The following CPM variants were observed in gnomAD, a reference collection of about 807,000 sequenced individuals.
CPM encodes the protein carboxypeptidase M, also known as renal carboxypeptidase.
A neutral mutation model predicts 46.4 loss-of-function variants in CPM; 35 were observed. The observed-to-expected ratio is 0.75, with a 90% CI of 0.58 to 1.00. The LOEUF (loss-of-function observed/expected upper bound fraction) is 1.00. CPM is among the 50% of genes least tolerant of loss of function. The pLI is 0.00. For synonymous variants in CPM, 195 were observed against 195.3 expected (o/e 1.00, Z 0.01); for missense variants, 422 against 530.4 (o/e 0.80, Z 2.01).
chr12:68,955,696 G>T (rs771696620), intron 1 of CPM, among the ~76,000 whole-genome samples: 1 of 152,044 alleles, frequency 6.6e-6, no homozygotes. Flanking sequence ...GCTCCTATCC[G>T]CAGACAGGTT....
intron 2 of CPM, among the ~76,000 whole-genome samples, chr12:68,909,501 A>C (rs2136289465): frequency 6.6e-6 from 1 of 152,286 alleles, no homozygotes; most frequent in African/African-American, 2.4e-5. Flanking sequence ...GTCAGTATCC[A>C]TCAAGCACAA....
intron 5 of CPM, chr12:68,843,816 ATC>A (rs1267536985): frequency 4.5e-6 from 1 of 220,252 alleles, no homozygotes; most frequent in Non-Finnish European, 9.1e-6. Context: ...ACCAAGCAGA[ATC>A]TCTTTTTTTT....
At chr12:68,882,937 G>A (rs1395074066) in intron 3 of CPM, among the ~76,000 whole-genome samples, 1 of 152,242 alleles carries the variant, frequency 6.6e-6, no homozygotes, top group Non-Finnish European at 1.5e-5. Flanking sequence ...AATGGCAGGT[G>A]TAATCAGCAG....
At chr12:68,911,814 C>T (rs966276633) in intron 2 of CPM, 1 of 152,128 alleles carries the variant, frequency 6.6e-6, no homozygotes, top group African/African-American at 2.4e-5. Context: ...TAGGGTAAGA[C>T]AGTAGTTCAA....
rs1592628179 is a variant in CPM, at chr12:68,855,457, G to A, written c.*980C>T. On this transcript the variant is annotated 3_prime_UTR_variant, in exon 9 of 9. Coordinates refer to ENST00000551568, the MANE Select transcript of CPM (RefSeq NM_198320.5). ...CCTAATGGAGGACTGTGGCATCCAG[G>A]TGCCAAAAGCTAGGGAAACGGCTCT... 1 of 152,374 alleles carries A rather than the reference G, an allele frequency of 6.6e-6. No homozygotes were observed. Among genetic ancestry groups the A allele is most frequent in the East Asian group, 1.9e-4 (1 of 5,156 alleles). The allele number at this position is 152,374 out of a possible 1,614,324, so 9.4% of individuals were successfully genotyped here.
Position 68,852,445 on chromosome 12 carries a change from A to G in CPM, c.*3992T>C, listed in dbSNP as rs1001580343. 6.6e-6 allele frequency: 1 copy of G among 152,212 alleles called. No homozygotes were observed. The highest frequency in any genetic ancestry group is 1.5e-5 in the Non-Finnish European group (1 of 68,054). 9.4% of individuals were successfully genotyped at this position (152,212 alleles called of 1,614,324 possible). A position where few individuals can be genotyped will look rare whatever the true frequency, so the allele number is the denominator to read the frequency against. On this transcript the variant is annotated 3_prime_UTR_variant, in exon 9 of 9. Transcript: ENST00000551568. ...AAATGTAGCATCTCTTACCAGTCAC[A>G]GAATCACCGTTCAGCGTGGCGGGGG...
chr12:68,961,019 G>C (rs1351064381), intron 1 of CPM, among the ~76,000 whole-genome samples: 1 of 152,144 alleles, frequency 6.6e-6, no homozygotes. Flanking sequence ...TAAAAACTAG[G>C]AAATTTGTAA....
At chr12:68,931,422 CA>C in intron 2 of CPM, among the ~76,000 whole-genome samples, 1 of 152,106 alleles carries the variant, frequency 6.6e-6, no homozygotes, top group South Asian at 2.1e-4. Flanking sequence ...TCTTTGGGAA[CA>C]TCAGGATAAT....
At chr12:68,892,147 T>C (rs1886680378) in intron 2 of CPM, among the ~76,000 whole-genome samples, 1 of 152,232 alleles carries the variant, frequency 6.6e-6, no homozygotes, top group Non-Finnish European at 1.5e-5. Flanking sequence ...GTCCCTGCTC[T>C]GTTCTTAACC....
At chr12:68,916,802 C>T (rs769268316) in intron 2 of CPM, among the ~76,000 whole-genome samples, 1 of 150,210 alleles carries the variant, frequency 6.7e-6, no homozygotes, top group Non-Finnish European at 1.5e-5. Flanking sequence ...GCAGGAGAAT[C>T]GCTTGAACTC....
intron 1 of CPM, among the ~76,000 whole-genome samples, chr12:68,960,583 A>G (rs958220614): frequency 2.4e-4 from 37 of 152,350 alleles, no homozygotes; most frequent in African/African-American, 8.7e-4. Context: ...CTGAGCCTAG[A>G]ACATCATATT....
At chr12:68,922,990 C>G (rs892795827) in intron 2 of CPM, among the ~76,000 whole-genome samples, 1 of 152,014 alleles carries the variant, frequency 6.6e-6, no homozygotes. Flanking sequence ...TTCACAGGTG[C>G]GATCATAGTG....
intron 3 of CPM, among the ~76,000 whole-genome samples, chr12:68,879,663 C>A (rs558658404): frequency 6.4e-4 from 97 of 152,302 alleles, no homozygotes; most frequent in African/African-American, 2.2e-3. Flanking sequence ...CCATGCCTGG[C>A]CTGGGCACCC....
chr12:68,884,961 T>C (rs1886366310), intron 3 of CPM, among the ~76,000 whole-genome samples: 1 of 152,178 alleles, frequency 6.6e-6, no homozygotes, highest in African/African-American at 2.4e-5. Flanking sequence ...TTTTGTTTTT[T>C]TAGATGGAGT....
chr12:68,878,456 C>G (rs1299853245), intron 3 of CPM, among the ~76,000 whole-genome samples: 1 of 152,188 alleles, frequency 6.6e-6, no homozygotes, highest in African/African-American at 2.4e-5. Flanking sequence ...CTGGATGGAT[C>G]TGCTGGCACC....
chr12:68,954,689 A>G (rs1333362845), intron 1 of CPM, among the ~76,000 whole-genome samples: 2 of 152,036 alleles, frequency 1.3e-5, no homozygotes, highest in Non-Finnish European at 2.9e-5. Flanking sequence ...CTCACTTGAC[A>G]TTTCTACTTG....
chr12:68,884,211 C>G (rs1045409365), intron 3 of CPM, among the ~76,000 whole-genome samples: 2 of 150,756 alleles, frequency 1.3e-5, no homozygotes, highest in African/African-American at 4.9e-5. Context: ...GAGCTGCTGT[C>G]TATAACGAAC....
chr12:68,872,139 A>G (rs1008127892), intron 3 of CPM, among the ~76,000 whole-genome samples, 183 bp from the exon 4 acceptor site: 3 of 152,210 alleles, frequency 2.0e-5, no homozygotes, highest in Non-Finnish European at 4.4e-5. Flanking sequence ...GGTGGCGATC[A>G]GTCCTGAGGT....
In CPM at chr12:68,871,946, C is replaced by T. The variant is rs766079955; in HGVS notation, c.269G>A (p.Arg90Gln). 8.7e-6 allele frequency: 14 copies of T among 1,613,960 alleles called. No individual in the cohort carries two copies. Among genetic ancestry groups the T allele is most frequent in the East Asian group, 4.5e-5 (2 of 44,876 alleles). Residue 90 changes from arginine (R) to glutamine (Q), a missense_variant, in exon 4 of 9, where the codon CGG becomes CAG. Transcript: ENST00000551568. ...ANMHGDETVG[R>Q]ELLLHLIDYL... ...GTCAATCAGATGGAGCAGCAGCTCC[C>T]GCCCAACAGTCTATATGTGTTAAAG...
Sources: allele counts gnomAD v4.1 joint callset (sites outside exome capture counted in the v4.1 genomes callset), GRCh38; gene constraint gnomAD v4.1.1; transcripts MANE v1.5; gene names NCBI Gene and HGNC (gene_info 2026-07-23, HGNC 2026-07-21).